The following TRAIP variants were observed in gnomAD, a reference collection of about 807,000 sequenced individuals.
The protein encoded by TRAIP is E3 ubiquitin-protein ligase TRAIP.
In TRAIP, 37 loss-of-function variants were observed where a neutral mutation model predicts 65.0. The observed-to-expected ratio is 0.57, with a 90% confidence interval of 0.44 to 0.75. TRAIP has a LOEUF of 0.75. Ranked by LOEUF, TRAIP falls within the 30% of genes least tolerant of loss-of-function variation. TRAIP has a pLI of 0.00. For synonymous variants in TRAIP, 187 were observed against 219.1 expected (o/e 0.85, Z 1.29); for missense variants, 481 against 579.4 (o/e 0.83, Z 1.74).
intron 1 of TRAIP, among the ~76,000 whole-genome samples, chr3:49,856,068 G>A (rs2081966848): frequency 6.6e-6 from 1 of 152,210 alleles, no homozygotes; most frequent in African/African-American, 2.4e-5. Flanking sequence ...CCCTTGCCCA[G>A]GCTAACGGTT....
intron 7 of TRAIP, 42 bp downstream of exon 7, chr3:49,841,784 G>A (rs1330683187): frequency 6.4e-7 from 1 of 1,551,736 alleles, no homozygotes; most frequent in East Asian, 2.3e-5. Context: ...GGGGCCCCAT[G>A]GCCTATCTCC....
chr3:49,854,385 C>T (rs1338255193), intron 1 of TRAIP, among the ~76,000 whole-genome samples: 1 of 152,060 alleles, frequency 6.6e-6, no homozygotes, highest in East Asian at 1.9e-4. Context: ...TCAACAATAA[C>T]GTAGAAGTGG....
In TRAIP at chr3:49,856,473, C is replaced by T. The variant is rs750581402; in HGVS notation, c.-20G>A. ...AGGCATGATGGCTGGACTCAAGGGG[C>T]CCAGGCAGCCAAAGAAACTGCTACA... is the stretch of plus-strand genomic sequence containing the variant. On this transcript the variant is annotated 5_prime_UTR_variant, in exon 1 of 15. Transcript: ENST00000331456. 6.2e-7 allele frequency: 1 copy of T among 1,605,888 alleles called. No homozygotes were observed. Among genetic ancestry groups the T allele is most frequent in the Non-Finnish European group, 8.5e-7 (1 of 1,174,800 alleles).
chr3:49,847,573 A>C lies in TRAIP; in HGVS notation c.192T>G (p.Phe64Leu). The C allele has an allele frequency of 6.2e-7, 1 of 1,611,888 alleles. No individual in the cohort carries two copies. Among genetic ancestry groups the C allele is most frequent in the Non-Finnish European group, 8.5e-7 (1 of 1,179,434 alleles). The change falls in exon 3 of 15, where the codon TTT becomes TTG. Residue 64 changes from phenylalanine (F) to leucine (L), a missense_variant. Transcript: ENST00000331456. Reference protein sequence around the residue: ...GKRTIINKLFFDLAQEEENVL... With the variant: ...GKRTIINKLFLDLAQEEENVL... ...CATTCTCCTCCTCCTGGGCAAGATC[A>C]AAGAAGAGCTTATTGATAATGGTTC...
chr3:49,851,341 A>ATTCTAAG, intron 1 of TRAIP, among the ~76,000 whole-genome samples: 1 of 152,328 alleles, frequency 6.6e-6, no homozygotes, highest in East Asian at 1.9e-4. Context: ...TCTGTAAGCC[A>ATTCTAAG]TATACTTAGA....
rs183989309 is a variant in TRAIP at position 49,847,293 on chromosome 3, G to A, written c.240+232C>T. 2.1e-3 allele frequency among the ~76,000 whole-genome samples: 320 copies of A among 151,840 alleles called. 3 individuals are homozygous for A. The highest frequency in any genetic ancestry group is 0.017 in the South Asian group (80 of 4,822). ...GCTACTAGGTAGGCTGAGGTGGGGA[G>A]ATCCCTTGAACTCAGGAGTTTGAGG... On this transcript the variant is annotated intron_variant, in intron 3 of 14. Coordinates refer to ENST00000331456, the MANE Select transcript of TRAIP (RefSeq NM_005879.3).
At chr3:49,830,786 A>G (rs1029373970) in intron 11 of TRAIP, among the ~76,000 whole-genome samples, 1 of 152,256 alleles carries the variant, frequency 6.6e-6, no homozygotes, top group Non-Finnish European at 1.5e-5. Context: ...TTCTCAAGCC[A>G]TAAGGACAAG....
At chr3:49,853,656 C>T (rs1317879745) in intron 1 of TRAIP, among the ~76,000 whole-genome samples, 1 of 151,676 alleles carries the variant, frequency 6.6e-6, no homozygotes. Flanking sequence ...CCAGTCTGGC[C>T]AACATAGTGA....
chr3:49,829,775 A>G lies in TRAIP; in HGVS notation c.1087-9T>C, dbSNP rs1453677430. ...AGTGAGAGCTGGGACTCCTGCAGGG[A>G]AGACCCCAGGGCCAGACTTGATGAG... On this transcript the variant is annotated splice_polypyrimidine_tract_variant and intron_variant, in intron 12 of 14. Transcript: ENST00000331456. 1 of 1,613,922 alleles carries G rather than the reference A, an allele frequency of 6.2e-7. No individual in the cohort carries two copies. The highest frequency in any genetic ancestry group is 8.5e-7 in the Non-Finnish European group (1 of 1,179,912).
chr3:49,842,028 G>T, intron 6 of TRAIP, 89 bp from the exon 7 acceptor site: 1 of 1,066,942 alleles, frequency 9.4e-7, no homozygotes, highest in Non-Finnish European at 1.4e-6. Flanking sequence ...TGCTGCCGTT[G>T]CTAAGGTAAC....
At chr3:49,851,673 G>A (rs1490890001) in intron 1 of TRAIP, among the ~76,000 whole-genome samples, 2 of 151,224 alleles carry the variant, frequency 1.3e-5, no homozygotes, top group Non-Finnish European at 1.5e-5. Context: ...TTAAAGGGGT[G>A]AGCCATCATG....
intron 1 of TRAIP, among the ~76,000 whole-genome samples, chr3:49,850,401 A>C (rs2081920459): frequency 6.6e-6 from 1 of 151,862 alleles, no homozygotes; most frequent in African/African-American, 2.4e-5. Context: ...TGGGAGACTA[A>C]GGCAGAAGAA....
At chr3:49,841,282 G>A (rs1185750129) in intron 7 of TRAIP, among the ~76,000 whole-genome samples, 1 of 152,208 alleles carries the variant, frequency 6.6e-6, no homozygotes, top group Non-Finnish European at 1.5e-5. Flanking sequence ...CTGTCCTGCA[G>A]GCACTGGTGA....
intron 2 of TRAIP, 102 bp downstream of exon 2, chr3:49,848,040 CA>C (rs1372070949): frequency 7.8e-5 from 107 of 1,372,220 alleles, no homozygotes; most frequent in Non-Finnish European, 1.0e-4. Context: ...CAGGAGGGTC[CA>C]AAAAAGGTCA....
chr3:49,836,228 C>T (rs920187945), intron 10 of TRAIP, among the ~76,000 whole-genome samples: 5 of 152,068 alleles, frequency 3.3e-5, no homozygotes, highest in African/African-American at 1.2e-4. Flanking sequence ...TGGTGGCTCA[C>T]ACCTATAATC....
intron 1 of TRAIP, 87 bp downstream of exon 1, chr3:49,856,269 G>T: frequency 8.6e-7 from 1 of 1,169,154 alleles, no homozygotes; most frequent in Non-Finnish European, 1.2e-6. Context: ...TCTGGATTCC[G>T]GGGTTGGACC....
chr3:49,837,562 C>G (rs1391782592), intron 10 of TRAIP, among the ~76,000 whole-genome samples: 1 of 152,120 alleles, frequency 6.6e-6, no homozygotes, highest in Non-Finnish European at 1.5e-5. Flanking sequence ...TTGCTAAAAA[C>G]AAACAGACCT....
rs1257763871 is a variant in TRAIP, at chr3:49,831,927, T to C, written c.1026A>G (p.Leu342=). The C allele has an allele frequency of 1.3e-6, 2 of 1,584,836 alleles. No individual in the cohort carries two copies. The highest frequency in any genetic ancestry group is 1.8e-5 in the Admixed American group (1 of 56,642). ...CGACTATCACTCACTGTGACTTCTC[T>C]AGGCAAAGTTTTTCGTAGTAACCAT... The part of the protein sequence containing the change: ...SQHGYYEKLC[L]EKSHSPIQDV... The change falls in exon 11 of 15, where the codon CTA becomes CTG. Residue 342 remains leucine, a synonymous_variant. Transcript: ENST00000331456.
At chr3:49,843,589 C>T (rs1472075698) in intron 5 of TRAIP, 2 of 574,166 alleles carry the variant, frequency 3.5e-6, no homozygotes, top group South Asian at 5.7e-5. Context: ...TAGTACAAAA[C>T]CCACAAGTAT....
Sources: allele counts gnomAD v4.1 joint callset (sites outside exome capture counted in the v4.1 genomes callset), GRCh38; gene constraint gnomAD v4.1.1; transcripts MANE v1.5; gene names NCBI Gene and HGNC (gene_info 2026-07-23, HGNC 2026-07-21).